Variants in ZMYM2 observed in about 807,000 individuals in gnomAD.
The protein encoded by ZMYM2 is zinc finger MYM-type containing 2, also known as zinc finger MYM-type protein 2.
Under a neutral mutation model 162.8 loss-of-function variants are expected in ZMYM2, and 56 were observed. The ratio of observed to expected loss-of-function variants is 0.34; its 90% CI spans 0.28 to 0.43. The LOEUF (loss-of-function observed/expected upper bound fraction) is 0.43, where lower values mean the gene tolerates loss of function less well. Among genes scored for constraint, ZMYM2 ranks in the 20% least tolerant of loss-of-function variants. ZMYM2 has a pLI of 1.00. For synonymous variants in ZMYM2, 510 were observed against 541.6 expected (o/e 0.94, Z 0.81); for missense variants, 1,275 against 1,621.8 (o/e 0.79, Z 3.67).
At chr13:19,967,766 G>C (rs2139202829) in intron 2 of ZMYM2, among the ~76,000 whole-genome samples, 1 of 152,264 alleles carries the variant, frequency 6.6e-6, no homozygotes, top group East Asian at 1.9e-4. Flanking sequence ...ATAATACAGG[G>C]TATGCAGCTG....
chr13:19,885,920 T>TATATGTGTGTATACAC, the ZMYM2 span, among the ~76,000 whole-genome samples: 22 of 57,448 alleles, frequency 3.8e-4, 5 homozygotes, highest in Admixed American at 2.2e-3. Context: ...TATATACACA[T>TATATGTGTGTATACAC]ATATATGTGT....
At chr13:19,885,685 A>G in the ZMYM2 span, among the ~76,000 whole-genome samples, 1 of 151,758 alleles carries the variant, frequency 6.6e-6, no homozygotes, top group Non-Finnish European at 1.5e-5. Flanking sequence ...CTAAAAATAC[A>G]AAATTTACAA....
chr13:20,059,475 A>G lies in ZMYM2; in HGVS notation c.2652A>G (p.Pro884=), dbSNP rs1270415740. Residue 884 remains proline (P), a synonymous_variant, in exon 16 of 25, where the codon CCA becomes CCG. Transcript: ENST00000610343. ...TDDTWRTEYV[P]VPIPVPVYIP... ...ATACTTGGAGGACAGAATATGTTCCAGTGCCTATCCCTGTGCCTGTGTATA... is the reference window on the plus strand; with the variant it reads ...ATACTTGGAGGACAGAATATGTTCCGGTGCCTATCCCTGTGCCTGTGTATA... The G allele has an allele frequency of 1.9e-6, 3 of 1,610,620 alleles. No individual in the cohort carries two copies. Among genetic ancestry groups the G allele is most frequent in the Non-Finnish European group, 2.5e-6 (3 of 1,176,870 alleles).
At chr13:19,923,022 CAAAAAA>C in the ZMYM2 span, among the ~76,000 whole-genome samples, 1 of 94,542 alleles carries the variant, frequency 1.1e-5, no homozygotes, top group African/African-American at 4.2e-5. Flanking sequence ...GACTCCATCT[CAAAAAA>C]AAAAAAAAAA....
chr13:20,016,501 G>C (rs964416076), intron 6 of ZMYM2, among the ~76,000 whole-genome samples: 54 of 152,178 alleles, frequency 3.5e-4, no homozygotes, highest in Non-Finnish European at 8.8e-5. Context: ...AAAAAGCTTT[G>C]ACTCCTTTTA....
chr13:19,913,486 A>G, the ZMYM2 span, among the ~76,000 whole-genome samples: 6 of 152,220 alleles, frequency 3.9e-5, no homozygotes, highest in Non-Finnish European at 2.9e-5. Flanking sequence ...GCACTTTGGG[A>G]GGCCAAGGTG....
chr13:20,020,932 T>C (rs539013577), intron 7 of ZMYM2, among the ~76,000 whole-genome samples: 69 of 152,270 alleles, frequency 4.5e-4, no homozygotes, highest in African/African-American at 1.5e-3. Context: ...TATTTTAATA[T>C]ATTAGCATAT....
chr13:20,052,263 T>G lies in ZMYM2; in HGVS notation c.2459-14T>G. ...GAGTATTTGTCTTATTTTAAATTTT[T>G]TTGTGTTTTTTAGATCAGGGTTGTC... On this transcript the variant is annotated splice_polypyrimidine_tract_variant and intron_variant, in intron 13 of 24. Transcript: ENST00000610343. The G allele has an allele frequency of 6.5e-7, 1 of 1,548,378 alleles. No homozygotes were observed. Among genetic ancestry groups the G allele is most frequent in the South Asian group, 1.2e-5 (1 of 81,876 alleles).
chr13:19,884,447 G>C, the ZMYM2 span, among the ~76,000 whole-genome samples: 1 of 152,040 alleles, frequency 6.6e-6, no homozygotes, highest in East Asian at 1.9e-4. Context: ...ACGTGGCGGC[G>C]GGCGGCCGTG....
At chr13:20,031,787 CACTCAGT>C (rs2140313074) in intron 10 of ZMYM2, among the ~76,000 whole-genome samples, 1 of 151,748 alleles carries the variant, frequency 6.6e-6, no homozygotes, top group East Asian at 1.9e-4. Context: ...TATTTTCTAT[CACTCAGT>C]ACCTGTACAT....
upstream of ZMYM2, among the ~76,000 whole-genome samples, chr13:19,955,362 T>A: frequency 6.6e-6 from 1 of 152,104 alleles, no homozygotes; most frequent in South Asian, 2.1e-4. Flanking sequence ...CCTAAAAAAC[T>A]CTATGAAAGA....
chr13:20,058,468 TCTG>T (rs1373386279), intron 14 of ZMYM2, 104 bp from the exon 15 acceptor site: 1 of 1,357,944 alleles, frequency 7.4e-7, no homozygotes, highest in Non-Finnish European at 9.9e-7. Flanking sequence ...GTTATCCTCT[TCTG>T]CTTTTGTGTG....
At chr13:20,030,975 A>G (rs1385812125) in intron 9 of ZMYM2, among the ~76,000 whole-genome samples, 2 of 152,114 alleles carry the variant, frequency 1.3e-5, no homozygotes, top group Non-Finnish European at 2.9e-5. Context: ...GTTTTTTTAA[A>G]CTTCTGTTAG....
chr13:19,910,052 T>TA, the ZMYM2 span, among the ~76,000 whole-genome samples: 72 of 140,810 alleles, frequency 5.1e-4, no homozygotes, highest in African/African-American at 1.2e-3. Context: ...CCATCTCTAG[T>TA]AAAAAAAAAA....
At chr13:20,012,042 G>T (rs553239851) in intron 6 of ZMYM2, among the ~76,000 whole-genome samples, 1 of 151,882 alleles carries the variant, frequency 6.6e-6, no homozygotes, top group Non-Finnish European at 1.5e-5. Flanking sequence ...GAGCCACAGC[G>T]CCTGGGCTAA....
chr13:20,016,309 AT>A (rs1951624433), intron 6 of ZMYM2, among the ~76,000 whole-genome samples: 1 of 152,152 alleles, frequency 6.6e-6, no homozygotes, highest in Admixed American at 6.6e-5. Flanking sequence ...TTTGTTATAG[AT>A]TACATTTTTA....
chr13:20,007,620 GTT>G (rs71198950), intron 6 of ZMYM2, among the ~76,000 whole-genome samples: 6 of 135,042 alleles, frequency 4.4e-5, no homozygotes, highest in Non-Finnish European at 7.8e-5. Context: ...TCCCTCTTTA[GTT>G]TTTTTTTTTT....
chr13:20,036,978 C>A, intron 12 of ZMYM2, 69 bp downstream of exon 12: 1 of 1,373,528 alleles, frequency 7.3e-7, no homozygotes, highest in Non-Finnish European at 9.6e-7. Context: ...GTTACCATTA[C>A]AAATCTGGCA....
chr13:19,879,472 G>T, the ZMYM2 span, among the ~76,000 whole-genome samples: 1 of 152,084 alleles, frequency 6.6e-6, no homozygotes, highest in African/African-American at 2.4e-5. Flanking sequence ...AGCCACAAAC[G>T]TTTACTTGTG....
Sources: allele counts gnomAD v4.1 joint callset (sites outside exome capture counted in the v4.1 genomes callset), GRCh38; gene constraint gnomAD v4.1.1; transcripts MANE v1.5; gene names NCBI Gene and HGNC (gene_info 2026-07-23, HGNC 2026-07-21).